SCHIP1: variants seen among roughly 807,000 people sequenced by gnomAD.
SCHIP1 encodes schwannomin interacting protein 1.
A neutral mutation model predicts 29.7 loss-of-function variants in SCHIP1; 8 were observed. The observed-to-expected ratio is 0.27, with a 90% CI of 0.16 to 0.49. The LOEUF is 0.49. SCHIP1 is among the 20% of genes least tolerant of loss of function. SCHIP1 has a pLI of 0.99. For synonymous variants in SCHIP1, 76 were observed against 94.9 expected, an observed-to-expected ratio of 0.80 and a Z score of 1.16; for missense variants, 193 against 294.6, an observed-to-expected ratio of 0.66 and a Z score of 2.52.
chr3:159,652,897 A>G, the SCHIP1 span, among the ~76,000 whole-genome samples: 1 of 152,218 alleles, frequency 6.6e-6, no homozygotes, highest in African/African-American at 2.4e-5. Context: ...GTGTTAAATA[A>G]AATAAGCCAA....
the SCHIP1 span, among the ~76,000 whole-genome samples, chr3:159,676,823 C>G: frequency 6.6e-6 from 1 of 152,158 alleles, no homozygotes; most frequent in South Asian, 2.1e-4. Flanking sequence ...CTCCCTGCAA[C>G]CCAAAGGAAG....
chr3:159,539,234 G>A, the SCHIP1 span, among the ~76,000 whole-genome samples: 3 of 83,386 alleles, frequency 3.6e-5, 1 homozygote, highest in African/African-American at 9.9e-5. Context: ...CAATAATATG[G>A]ATCAATTTTC....
the SCHIP1 span, among the ~76,000 whole-genome samples, chr3:159,397,013 C>T: frequency 6.9e-6 from 1 of 144,336 alleles, no homozygotes. Flanking sequence ...GGAGGCTTTG[C>T]TCGTTTCTTT....
the SCHIP1 span, among the ~76,000 whole-genome samples, chr3:159,561,069 T>G: frequency 1.3e-5 from 2 of 152,190 alleles, no homozygotes; most frequent in African/African-American, 4.8e-5. Flanking sequence ...CACACCAGAT[T>G]CAGTGTTTTT....
At chr3:159,843,001 CTTTTTTTTTTTT>C (rs566940351) in intron 1 of SCHIP1, among the ~76,000 whole-genome samples, 5,912 of 63,818 alleles carry the variant, frequency 0.093, 573 homozygotes, top group African/African-American at 0.25. Context: ...ATATTTCTTT[CTTTTTTTTTTTT>C]TTTTTTTTTT....
the SCHIP1 span, among the ~76,000 whole-genome samples, chr3:159,497,743 T>G: frequency 6.6e-6 from 1 of 151,884 alleles, no homozygotes; most frequent in East Asian, 1.9e-4. Context: ...TATGATTGAT[T>G]ATGTTGTTTT....
chr3:159,884,305 A>C (rs978098987), intron 2 of SCHIP1, among the ~76,000 whole-genome samples: 4 of 151,874 alleles, frequency 2.6e-5, no homozygotes, highest in Non-Finnish European at 5.9e-5. Flanking sequence ...TAACCTGAAC[A>C]TATTAGATTT....
chr3:159,344,155 C>G, the SCHIP1 span, among the ~76,000 whole-genome samples: 1 of 151,882 alleles, frequency 6.6e-6, no homozygotes, highest in Admixed American at 6.6e-5. Context: ...CAACATGTCT[C>G]TACTAAAAGT....
At chr3:159,653,280 C>A in the SCHIP1 span, among the ~76,000 whole-genome samples, 3 of 152,104 alleles carry the variant, frequency 2.0e-5, no homozygotes, top group Non-Finnish European at 4.4e-5. Context: ...TATAAAGACC[C>A]ATATACACCT....
the SCHIP1 span, among the ~76,000 whole-genome samples, chr3:159,432,788 T>C: frequency 3.3e-5 from 5 of 152,278 alleles, no homozygotes; most frequent in African/African-American, 1.2e-4. Flanking sequence ...AGGGCAGTGT[T>C]TGCATTGATA....
chr3:159,488,334 A>G, the SCHIP1 span, among the ~76,000 whole-genome samples: 7 of 152,210 alleles, frequency 4.6e-5, no homozygotes, highest in African/African-American at 1.4e-4. Flanking sequence ...AGTATAAATG[A>G]ATCATTTGTG....
the SCHIP1 span, among the ~76,000 whole-genome samples, chr3:159,531,098 C>T: frequency 6.6e-6 from 1 of 152,184 alleles, no homozygotes. Flanking sequence ...GATTTCAAAA[C>T]TTTATGATAA....
intron 1 of SCHIP1, among the ~76,000 whole-genome samples, chr3:159,844,496 G>A (rs1577415927): frequency 6.6e-6 from 1 of 152,206 alleles, no homozygotes; most frequent in Non-Finnish European, 1.5e-5. Flanking sequence ...ACTGAGGCAT[G>A]TGTTGTCATT....
the SCHIP1 span, among the ~76,000 whole-genome samples, chr3:159,373,858 G>A: frequency 2.4e-4 from 36 of 152,038 alleles, no homozygotes; most frequent in African/African-American, 7.5e-4. Context: ...TCATAACTTG[G>A]CTACTATGAA....
At chr3:159,654,128 T>C in the SCHIP1 span, among the ~76,000 whole-genome samples, 6 of 152,248 alleles carry the variant, frequency 3.9e-5, no homozygotes, top group Admixed American at 2.0e-4. Flanking sequence ...CACATGCAAA[T>C]CGCATAAAGA....
the SCHIP1 span, among the ~76,000 whole-genome samples, chr3:159,725,562 G>A: frequency 6.6e-6 from 1 of 152,140 alleles, no homozygotes; most frequent in East Asian, 1.9e-4. Context: ...ACCACGCCTG[G>A]CCTCAATACA....
the SCHIP1 span, among the ~76,000 whole-genome samples, chr3:159,634,751 C>G: frequency 6.6e-6 from 1 of 152,244 alleles, no homozygotes; most frequent in Non-Finnish European, 1.5e-5. Context: ...AGGCTCGTCA[C>G]AGCTCTGCAT....
chr3:159,465,348 CGTGTGT>C, the SCHIP1 span, among the ~76,000 whole-genome samples: 2 of 145,194 alleles, frequency 1.4e-5, no homozygotes, highest in African/African-American at 2.6e-5. Context: ...TGTTTGTGTG[CGTGTGT>C]GTGTGTGTGG....
At chr3:159,644,441 T>C in the SCHIP1 span, among the ~76,000 whole-genome samples, 2 of 152,122 alleles carry the variant, frequency 1.3e-5, no homozygotes, top group Admixed American at 1.3e-4. Context: ...TTCTCGACCC[T>C]GTCCAGGTTA....
Sources: gnomAD v4.1 joint callset for allele counts (sites outside exome capture counted in the v4.1 genomes callset) on GRCh38, gnomAD v4.1.1 for gene constraint, MANE v1.5 for transcripts, NCBI Gene and HGNC (gene_info 2026-07-23, HGNC 2026-07-21) for gene names.